ARK2N: variants seen among roughly 807,000 people sequenced by gnomAD.
The protein encoded by ARK2N is arkadia (RNF111) N-terminal like PKA signaling regulator 2N.
At chr18:46,182,231 A>C in the ARK2N span, among the ~76,000 whole-genome samples, 17 of 152,226 alleles carry the variant, frequency 1.1e-4, no homozygotes, top group African/African-American at 3.9e-4. Context: ...GCTTGTTCTT[A>C]AATCAACAGT....
At chr18:46,200,651 G>A in the ARK2N span, among the ~76,000 whole-genome samples, 1 of 152,188 alleles carries the variant, frequency 6.6e-6, no homozygotes, top group Non-Finnish European at 1.5e-5. Context: ...TAGGGCAGCT[G>A]AAGTCTGGCT....
At chr18:46,210,561 T>C in the ARK2N span, among the ~76,000 whole-genome samples, 1 of 151,922 alleles carries the variant, frequency 6.6e-6, no homozygotes, top group African/African-American at 2.4e-5. Context: ...GAGATCTGAG[T>C]TGGAGAAATA....
At chr18:46,237,662 A>G in the ARK2N span, among the ~76,000 whole-genome samples, 3 of 152,190 alleles carry the variant, frequency 2.0e-5, no homozygotes, top group Admixed American at 6.5e-5. Flanking sequence ...TACTTGGATT[A>G]CAGGCGTGAG....
the ARK2N span, among the ~76,000 whole-genome samples, chr18:46,178,643 A>G: frequency 6.6e-6 from 1 of 152,146 alleles, no homozygotes; most frequent in Non-Finnish European, 1.5e-5. Flanking sequence ...TTCTGGGGCT[A>G]CGTGCAGTGG....
chr18:46,242,543 A>T, the ARK2N span, among the ~76,000 whole-genome samples: 2 of 152,298 alleles, frequency 1.3e-5, no homozygotes, highest in South Asian at 4.1e-4. Context: ...GTGAGGAGGA[A>T]AACAACTGTG....
chr18:46,242,481 T>A, the ARK2N span, among the ~76,000 whole-genome samples: 1 of 152,180 alleles, frequency 6.6e-6, no homozygotes. Context: ...TAAAAATCAC[T>A]CTTAAGAAAC....
the ARK2N span, among the ~76,000 whole-genome samples, chr18:46,177,946 CAA>C: frequency 6.6e-6 from 1 of 152,120 alleles, no homozygotes; most frequent in Non-Finnish European, 1.5e-5. Flanking sequence ...CTCACAACAA[CAA>C]TTTATTGAGT....
At chr18:46,228,919 T>C in the ARK2N span, 1 of 397,812 alleles carries the variant, frequency 2.5e-6, no homozygotes. Flanking sequence ...TTTTGAATAT[T>C]TGAAAAGGTG....
At chr18:46,263,169 T>A in the ARK2N span, 36 of 1,487,010 alleles carry the variant, frequency 2.4e-5, no homozygotes, top group Non-Finnish European at 3.3e-5. Context: ...TTCCTCATCC[T>A]CTTTGTGACA....
the ARK2N span, among the ~76,000 whole-genome samples, chr18:46,206,406 T>TCCTGTAGTCTA: frequency 3.3e-5 from 5 of 152,140 alleles, no homozygotes; most frequent in Non-Finnish European, 7.3e-5. Context: ...TTTTTACTCT[T>TCCTGTAGTCTA]CCTGTAGTCT....
At chr18:46,181,634 G>A in the ARK2N span, among the ~76,000 whole-genome samples, 4 of 152,090 alleles carry the variant, frequency 2.6e-5, no homozygotes, top group Non-Finnish European at 5.9e-5. Flanking sequence ...AGAATGGCAT[G>A]AACCCAGGAG....
At chr18:46,217,249 C>G in the ARK2N span, 1 of 152,416 alleles carries the variant, frequency 6.6e-6, no homozygotes, top group Non-Finnish European at 1.5e-5. Flanking sequence ...GTATAAGGGT[C>G]TGTAACTTAT....
the ARK2N span, among the ~76,000 whole-genome samples, chr18:46,207,273 G>T: frequency 6.6e-6 from 1 of 151,752 alleles, no homozygotes; most frequent in Non-Finnish European, 1.5e-5. Flanking sequence ...ACTGTGGATT[G>T]ATTATTTTAT....
At chr18:46,223,004 G>A in the ARK2N span, among the ~76,000 whole-genome samples, 1 of 152,108 alleles carries the variant, frequency 6.6e-6, no homozygotes, top group African/African-American at 2.4e-5. Context: ...AGTGATTATT[G>A]CTTGTAGGAA....
chr18:46,241,116 T>C, the ARK2N span, among the ~76,000 whole-genome samples: 1 of 152,270 alleles, frequency 6.6e-6, no homozygotes, highest in Non-Finnish European at 1.5e-5. Context: ...AAATGAGTTA[T>C]AGTTTAGAAC....
the ARK2N span, among the ~76,000 whole-genome samples, chr18:46,242,253 A>T: frequency 2.0e-5 from 3 of 152,158 alleles, no homozygotes; most frequent in African/African-American, 7.2e-5. Context: ...GGGGTAAAAA[A>T]TGAATGATTA....
chr18:46,238,254 A>T, the ARK2N span, among the ~76,000 whole-genome samples: 11 of 152,224 alleles, frequency 7.2e-5, no homozygotes, highest in African/African-American at 2.4e-5. Context: ...AAAATAACTC[A>T]CTAAAATAAC....
the ARK2N span, among the ~76,000 whole-genome samples, chr18:46,214,815 CTATT>C: frequency 2.0e-5 from 3 of 152,128 alleles, no homozygotes; most frequent in Non-Finnish European, 4.4e-5. Context: ...GATAAAACAT[CTATT>C]TAAACACTAG....
the ARK2N span, among the ~76,000 whole-genome samples, chr18:46,200,516 C>A: frequency 6.6e-6 from 1 of 152,114 alleles, no homozygotes; most frequent in Non-Finnish European, 1.5e-5. Flanking sequence ...CTATGTTGGC[C>A]AGGCTGGGCT....
Sources: allele counts gnomAD v4.1 joint callset (sites outside exome capture counted in the v4.1 genomes callset), GRCh38; gene constraint gnomAD v4.1.1; transcripts MANE v1.5; gene names NCBI Gene and HGNC (gene_info 2026-07-23, HGNC 2026-07-21).